Variants in DNAJC6 observed in about 807,000 individuals in gnomAD.
DNAJC6 encodes the protein auxilin.
Under a neutral mutation model 110.0 loss-of-function variants are expected in DNAJC6, and 34 were observed. That is an observed-to-expected ratio of 0.31 (90% CI 0.24 to 0.41). The LOEUF (loss-of-function observed/expected upper bound fraction) is 0.41, where lower values mean the gene tolerates loss of function less well. DNAJC6 is among the 10% of genes least tolerant of loss of function. The pLI is 1.00. For synonymous variants in DNAJC6, 406 were observed against 437.2 expected (o/e 0.93, Z 0.89); for missense variants, 1,031 against 1,207.8 (o/e 0.85, Z 2.17).
intron 1 of DNAJC6, among the ~76,000 whole-genome samples, chr1:65,361,953 C>A (rs970616484): frequency 6.6e-6 from 1 of 151,678 alleles, no homozygotes. Context: ...GAATTTTAAA[C>A]AAAAGTAAGT....
At chr1:65,278,477 G>A (rs1248878621) in intron 1 of DNAJC6, among the ~76,000 whole-genome samples, 1 of 152,180 alleles carries the variant, frequency 6.6e-6, no homozygotes, top group Non-Finnish European at 1.5e-5. Flanking sequence ...CCCCAACTCT[G>A]ACTCTAGTAC....
chr1:65,326,218 C>T (rs762320566), intron 1 of DNAJC6, among the ~76,000 whole-genome samples: 16 of 152,134 alleles, frequency 1.1e-4, no homozygotes, highest in Admixed American at 4.6e-4. Flanking sequence ...CCAGCAATCT[C>T]ATCCAGTCCA....
intron 1 of DNAJC6, among the ~76,000 whole-genome samples, chr1:65,268,453 C>T (rs1418528243): frequency 6.6e-6 from 1 of 152,124 alleles, no homozygotes; most frequent in African/African-American, 2.4e-5. Flanking sequence ...AACCATAGCT[C>T]CTATTTAATT....
intron 1 of DNAJC6, among the ~76,000 whole-genome samples, chr1:65,348,127 C>T (rs1447880093): frequency 2.0e-5 from 3 of 152,182 alleles, no homozygotes; most frequent in Non-Finnish European, 4.4e-5. Context: ...CAGCTACTAG[C>T]AAGCTAAGTG....
In DNAJC6 at chr1:65,366,143, A is replaced by C; in HGVS notation, c.490A>C (p.Thr164Pro). The change falls in exon 4 of 19, where the codon ACA (threonine) becomes CCA (proline). Residue 164 changes from threonine (T) to proline (P), a missense_variant. Transcript: ENST00000371069. ...GGATTCCAGACATCTTGACCACTAC[A>C]CAGTATACAATCTGTCACCTAAGTC... ...FLDSRHLDHY[T>P]VYNLSPKSYR... The C allele has an allele frequency of 6.2e-7, 1 of 1,613,880 alleles. No individual in the cohort carries two copies. The highest frequency in any genetic ancestry group is 2.2e-5 in the East Asian group (1 of 44,876).
intron 7 of DNAJC6, among the ~76,000 whole-genome samples, chr1:65,386,188 G>A (rs754421636): frequency 3.3e-5 from 5 of 152,192 alleles, no homozygotes; most frequent in Non-Finnish European, 5.9e-5. Flanking sequence ...ATTGAAGAAG[G>A]AGATGGCCTT....
intron 1 of DNAJC6, among the ~76,000 whole-genome samples, chr1:65,291,764 C>T (rs773714396): frequency 5.3e-5 from 8 of 152,012 alleles, no homozygotes; most frequent in Non-Finnish European, 1.0e-4. Flanking sequence ...ACGAGGTAAG[C>T]AATATTAGAA....
chr1:65,331,435 C>T (rs976653961), intron 1 of DNAJC6, among the ~76,000 whole-genome samples: 1 of 152,032 alleles, frequency 6.6e-6, no homozygotes, highest in African/African-American at 2.4e-5. Context: ...CAGATGAATC[C>T]TAGGGGGCAG....
chr1:65,288,945 GTAC>G (rs1279002534), intron 1 of DNAJC6, among the ~76,000 whole-genome samples: 1 of 152,130 alleles, frequency 6.6e-6, no homozygotes, highest in Non-Finnish European at 1.5e-5. Context: ...GCTATGAAAA[GTAC>G]TACTATGAAT....
At position 65,336,502 on chromosome 1, in the gene DNAJC6, AAC is replaced by A. The variant is rs1557528228; in HGVS notation, c.193+26568_193+26569del. On this transcript the variant is annotated intron_variant, in intron 1 of 18. Transcript: ENST00000371069. ...AATATACAAAAAAGTAAAAAGGGGAAACACAGGTAGAAACCAGAAACCCATGT... is the reference window on the plus strand; with the variant it reads ...AATATACAAAAAAGTAAAAAGGGGAAACAGGTAGAAACCAGAAACCCATGT... 4.6e-5 allele frequency among the ~76,000 whole-genome samples: 7 copies of A among 152,332 alleles called. No homozygotes were observed. The South Asian group carries it at 1.5e-3, about 32-fold the overall frequency.
intron 4 of DNAJC6, among the ~76,000 whole-genome samples, chr1:65,370,347 T>C (rs188711418): frequency 4.7e-4 from 71 of 152,368 alleles, no homozygotes; most frequent in Non-Finnish European, 7.3e-4. Context: ...CCAACACCGC[T>C]ATCTATACTT....
intron 1 of DNAJC6, among the ~76,000 whole-genome samples, chr1:65,343,238 C>T (rs1372137485): frequency 1.3e-5 from 2 of 152,164 alleles, no homozygotes; most frequent in African/African-American, 4.8e-5. Context: ...AGACGCAATA[C>T]TCATCTGTCA....
At chr1:65,338,990 C>T (rs1039898025) in intron 1 of DNAJC6, among the ~76,000 whole-genome samples, 3 of 152,194 alleles carry the variant, frequency 2.0e-5, no homozygotes, top group Non-Finnish European at 4.4e-5. Flanking sequence ...CCCTCTGCGT[C>T]ACATTATCCT....
intron 1 of DNAJC6, among the ~76,000 whole-genome samples, chr1:65,301,326 C>T (rs1255267882): frequency 6.6e-6 from 1 of 151,954 alleles, no homozygotes; most frequent in Non-Finnish European, 1.5e-5. Flanking sequence ...TGGGCACTTC[C>T]CCCCCCACAA....
intron 1 of DNAJC6, among the ~76,000 whole-genome samples, chr1:65,294,823 T>C (rs936790753): frequency 2.6e-5 from 4 of 152,198 alleles, no homozygotes; most frequent in Non-Finnish European, 5.9e-5. Context: ...TGCTGGACAA[T>C]GTTTTGCTTA....
intron 1 of DNAJC6, among the ~76,000 whole-genome samples, chr1:65,324,701 T>C (rs951173266): frequency 6.6e-6 from 1 of 152,308 alleles, no homozygotes; most frequent in African/African-American, 2.4e-5. Context: ...AGCTAGTTCA[T>C]GTAAGGCAGT....
chr1:65,318,614 A>G (rs1020662525), intron 1 of DNAJC6, among the ~76,000 whole-genome samples: 1 of 152,208 alleles, frequency 6.6e-6, no homozygotes, highest in Non-Finnish European at 1.5e-5. Flanking sequence ...AGAAAACCAA[A>G]CACTGCATGT....
chr1:65,335,385 A>T (rs1645326689), intron 1 of DNAJC6, among the ~76,000 whole-genome samples: 1 of 151,880 alleles, frequency 6.6e-6, no homozygotes, highest in Non-Finnish European at 1.5e-5. Flanking sequence ...AAGTGCTGCG[A>T]TTACAGGCAT....
intron 16 of DNAJC6, among the ~76,000 whole-genome samples, chr1:65,407,275 A>G (rs896282132): frequency 1.3e-5 from 2 of 152,130 alleles, no homozygotes; most frequent in African/African-American, 4.8e-5. Context: ...AGTACTGTAT[A>G]TATAGGGTCT....
Sources: gnomAD v4.1 joint callset for allele counts (sites outside exome capture counted in the v4.1 genomes callset) on GRCh38, gnomAD v4.1.1 for gene constraint, MANE v1.5 for transcripts, NCBI Gene and HGNC (gene_info 2026-07-23, HGNC 2026-07-21) for gene names.